The following SLIT3 variants were observed in gnomAD, a reference collection of about 807,000 sequenced individuals.
The protein encoded by SLIT3 is slit guidance ligand 3, also known as slit homolog 3 protein.
SLIT3 carries 68 observed loss-of-function variants against 184.0 expected under a neutral mutation model. That is an observed-to-expected ratio of 0.37 (90% confidence interval 0.30 to 0.45). SLIT3 has a LOEUF of 0.45. Ranked by LOEUF, SLIT3 falls within the 20% of genes least tolerant of loss-of-function variation. SLIT3 has a pLI of 1.00. For synonymous variants in SLIT3, 831 were observed against 828.6 expected, an observed-to-expected ratio of 1.00 and a Z score of -0.05; for missense variants, 1,707 against 2,026.0, an observed-to-expected ratio of 0.84 and a Z score of 3.02.
intron 6 of SLIT3, among the ~76,000 whole-genome samples, chr5:168,840,671 A>G (rs2974430): frequency 0.37 from 55,733 of 151,626 alleles, 12,358 homozygotes; most frequent in African/African-American, 0.63. Context: ...TATGCGAATT[A>G]CCAAAAGCAT....
intron 4 of SLIT3, among the ~76,000 whole-genome samples, chr5:168,902,870 G>A (rs1020003005): frequency 1.3e-5 from 2 of 152,202 alleles, no homozygotes; most frequent in African/African-American, 4.8e-5. Flanking sequence ...AGGGGAGGCT[G>A]TTGAATGAGA....
At chr5:169,279,664 T>A (rs1362653292) in intron 1 of SLIT3, among the ~76,000 whole-genome samples, 1 of 152,250 alleles carries the variant, frequency 6.6e-6, no homozygotes, top group Non-Finnish European at 1.5e-5. Flanking sequence ...CATATTTTAT[T>A]CATTTTATAA....
intron 1 of SLIT3, among the ~76,000 whole-genome samples, chr5:169,278,730 AG>A: frequency 6.6e-6 from 1 of 152,246 alleles, no homozygotes; most frequent in Admixed American, 6.5e-5. Context: ...GTTTGAGACA[AG>A]GAACCCCTCC....
At position 168,721,928 on chromosome 5, in the gene SLIT3, C is replaced by G. The variant is rs1439388933; in HGVS notation, c.2483+328G>C. ...CGTGGCTATGACCACACACTATGCT[C>G]AATACTAGAGGGTAGAATACAATTG... is the stretch of plus-strand genomic sequence containing the variant. On this transcript the variant is annotated intron_variant, in intron 23 of 35. Transcript: ENST00000519560. Among the ~76,000 whole-genome samples, 4 of 152,234 alleles carry G rather than the reference C, an allele frequency of 2.6e-5. No homozygotes were observed. The East Asian group carries it at 7.7e-4, about 29-fold the overall frequency.
chr5:168,698,635 C>A (rs918681565), intron 27 of SLIT3, among the ~76,000 whole-genome samples: 3 of 152,110 alleles, frequency 2.0e-5, no homozygotes, highest in Non-Finnish European at 4.4e-5. Flanking sequence ...GTTATTATGG[C>A]AGCCCTAAGG....
intron 4 of SLIT3, among the ~76,000 whole-genome samples, chr5:168,935,177 A>G (rs1762118398): frequency 6.6e-6 from 1 of 151,712 alleles, no homozygotes; most frequent in African/African-American, 2.4e-5. Flanking sequence ...AACAAAAAAG[A>G]ATAATAACCC....
At chr5:169,156,802 T>G (rs1374390194) in intron 4 of SLIT3, among the ~76,000 whole-genome samples, 2 of 152,054 alleles carry the variant, frequency 1.3e-5, no homozygotes, top group African/African-American at 2.4e-5. Flanking sequence ...TCACACTGAG[T>G]TGAATTTAAA....
intron 4 of SLIT3, among the ~76,000 whole-genome samples, chr5:168,960,069 G>A (rs934423849): frequency 6.6e-6 from 1 of 152,212 alleles, no homozygotes; most frequent in Non-Finnish European, 1.5e-5. Context: ...ATGGCTGGTG[G>A]CTCCAGAGAG....
chr5:169,274,051 C>G (rs1766721890), intron 1 of SLIT3, among the ~76,000 whole-genome samples: 1 of 152,188 alleles, frequency 6.6e-6, no homozygotes, highest in African/African-American at 2.4e-5. Flanking sequence ...TCATAATCCC[C>G]CAAATGGGGT....
chr5:168,861,145 T>A (rs905448054), intron 5 of SLIT3, among the ~76,000 whole-genome samples: 1 of 152,208 alleles, frequency 6.6e-6, no homozygotes, highest in Admixed American at 6.5e-5. Context: ...CTAGGGTACA[T>A]GTGCACAACG....
chr5:168,666,481 T>A lies in SLIT3; in HGVS notation c.4545A>T (p.Leu1515Phe). 1 of 1,594,486 alleles carries A rather than the reference T, an allele frequency of 6.3e-7. No homozygotes were observed. The highest frequency in any genetic ancestry group is 8.6e-7 in the Non-Finnish European group (1 of 1,168,428). ...AGGAACACGCGAGGCAGCCGCACTC[T>A]AAGTGTCTCTCCACCTCTTCTACAA... ...SSFVEEVERH[L>F]ECGCLACS The change falls in exon 36 of 36, where the codon TTA becomes TTT. Residue 1515 changes from leucine to phenylalanine, a missense_variant. Physicochemically the swap from Leu to Phe is conservative, Grantham distance 22 (BLOSUM62 0). This residue lies in a region of SLIT3 where 387 missense variants were observed against 477.9 expected (regional missense o/e 0.81). Coordinates refer to ENST00000519560, the MANE Select transcript of SLIT3 (RefSeq NM_003062.4).
At chr5:168,969,383 G>T (rs1018083631) in intron 4 of SLIT3, among the ~76,000 whole-genome samples, 3 of 152,186 alleles carry the variant, frequency 2.0e-5, no homozygotes, top group Admixed American at 2.0e-4. Flanking sequence ...GCTGCCTACT[G>T]CCCGGGAGTC....
chr5:168,752,670 C>T (rs1432400011), intron 18 of SLIT3: 1 of 395,828 alleles, frequency 2.5e-6, no homozygotes, highest in Admixed American at 4.0e-5. Flanking sequence ...GTTAGGATTA[C>T]AGGCGTGAGC....
chr5:168,795,530 G>C lies in SLIT3; in HGVS notation c.984C>G (p.Thr328=). 3.1e-6 allele frequency: 5 copies of C among 1,613,754 alleles called. No individual in the cohort carries two copies. Among genetic ancestry groups the C allele is most frequent in the Non-Finnish European group, 4.2e-6 (5 of 1,179,670 alleles). ...ACATTCGCTTCAGTTTCTTGTACTG[G>C]GTGAAGGCTCCTGCAGGGATGGCTT... ...SIKAIPAGAF[T]QYKKLKRIDI... Residue 328 remains threonine (T), a synonymous_variant, in exon 10 of 36, where the codon ACC becomes ACG. Coordinates refer to ENST00000519560, the MANE Select transcript of SLIT3 (RefSeq NM_003062.4).
chr5:168,779,265 G>T (rs533332834), intron 12 of SLIT3, among the ~76,000 whole-genome samples: 1 of 152,294 alleles, frequency 6.6e-6, no homozygotes, highest in East Asian at 1.9e-4. Context: ...GTGAGAGCCA[G>T]TCCCCTCTCA....
At chr5:168,980,020 A>G (rs960906153) in intron 4 of SLIT3, among the ~76,000 whole-genome samples, 1 of 152,058 alleles carries the variant, frequency 6.6e-6, no homozygotes, top group Non-Finnish European at 1.5e-5. Flanking sequence ...GGGATTTCAG[A>G]ACCAGACATT....
intron 5 of SLIT3, among the ~76,000 whole-genome samples, chr5:168,861,932 C>T (rs1160302564): frequency 6.6e-6 from 1 of 152,128 alleles, no homozygotes; most frequent in East Asian, 1.9e-4. Context: ...AATGATGTAC[C>T]CCTTTTAACA....
At chr5:169,115,689 G>C (rs1253621340) in intron 4 of SLIT3, among the ~76,000 whole-genome samples, 1 of 152,324 alleles carries the variant, frequency 6.6e-6, no homozygotes, top group Non-Finnish European at 1.5e-5. Context: ...ACTATGCCAA[G>C]TGTAGAAACC....
chr5:169,180,236 A>T (rs1763113119), intron 4 of SLIT3, among the ~76,000 whole-genome samples: 1 of 152,168 alleles, frequency 6.6e-6, no homozygotes, highest in South Asian at 2.1e-4. Flanking sequence ...AAAGCCAAGA[A>T]GAGAATTGTT....
Sources: allele counts gnomAD v4.1 joint callset (sites outside exome capture counted in the v4.1 genomes callset), GRCh38; gene constraint gnomAD v4.1.1; regional missense constraint gnomAD v4.1.1; transcripts MANE v1.5; gene names NCBI Gene and HGNC (gene_info 2026-07-23, HGNC 2026-07-21).